Variants in EIF4EBP1 observed in about 807,000 individuals in gnomAD.
EIF4EBP1 encodes eukaryotic translation initiation factor 4E-binding protein 1.
EIF4EBP1 carries 5 observed loss-of-function variants against 9.2 expected under a neutral mutation model. The ratio of observed to expected loss-of-function variants is 0.54; its 90% CI spans 0.28 to 1.14. The LOEUF (loss-of-function observed/expected upper bound fraction) is 1.14. EIF4EBP1 is among the 50% of genes most tolerant of loss of function. The pLI is 0.09. For missense variants in EIF4EBP1, 139 were observed against 169.6 expected (o/e 0.82, Z 1.00); for synonymous variants, 62 against 67.0 (o/e 0.93, Z 0.36).
rs780578529 is a variant in EIF4EBP1, at chr8:38,059,897, TCC to T, written c.326-4_326-3del. The stretch of plus-strand genomic sequence containing the variant: ...TTGACCTGGCCCTCTGTCCCCTCTC[TCC>T]CCAGGTGAAGAGTCACAGTTTGAGA... On this transcript the variant is annotated splice_polypyrimidine_tract_variant and splice_region_variant and intron_variant, in intron 2 of 2. Transcript: ENST00000338825. The T allele has an allele frequency of 1.9e-5, 28 of 1,439,258 alleles. No homozygotes were observed. Among genetic ancestry groups the T allele is most frequent in the Non-Finnish European group, 2.4e-5 (26 of 1,091,476 alleles). 89.2% of individuals were successfully genotyped at this position (1,439,258 alleles called of 1,614,324 possible).
At chr8:38,035,007 C>A (rs1470876189) in intron 1 of EIF4EBP1, among the ~76,000 whole-genome samples, 4 of 152,134 alleles carry the variant, frequency 2.6e-5, no homozygotes, top group Non-Finnish European at 5.9e-5. Flanking sequence ...GTAATCCCAG[C>A]TATTAGGAAG....
At chr8:38,035,931 A>C (rs1809295665) in intron 1 of EIF4EBP1, among the ~76,000 whole-genome samples, 1 of 148,784 alleles carries the variant, frequency 6.7e-6, no homozygotes, top group South Asian at 2.1e-4. Flanking sequence ...CTGGTCTCGA[A>C]CTCCTGACCT....
rs187397761 is a variant in EIF4EBP1 at position 38,041,046 on chromosome 8, C to T, written c.145+10328C>T. Reference sequence around the variant, plus strand: ...AACTCCTGAGCTCAAGTGATCCGCCCGCCTCGGCCTCCCAAAGTGCTGGGA... The same window carrying T: ...AACTCCTGAGCTCAAGTGATCCGCCTGCCTCGGCCTCCCAAAGTGCTGGGA... On this transcript the variant is annotated intron_variant, in intron 1 of 2. Transcript: ENST00000338825. 3.8e-3 allele frequency among the ~76,000 whole-genome samples: 577 copies of T among 152,214 alleles called. 7 individuals are homozygous for T. The highest frequency in any genetic ancestry group is 0.013 in the African/African-American group (534 of 41,522).
At position 38,030,542 on chromosome 8, in the gene EIF4EBP1, G is replaced by T. The variant is rs1488137979; in HGVS notation, c.-32G>T. On this transcript the variant is annotated 5_prime_UTR_variant, in exon 1 of 3. Transcript: ENST00000338825. ...GAGGCTGGAGGCGCGGGAGGGCAGC[G>T]AGAGGTTCGCGGGTGCAGCGCACAG... The T allele has an allele frequency of 4.7e-6, 7 of 1,488,676 alleles. No homozygotes were observed. In the African/African-American group the frequency reaches 5.8e-5, roughly 12 times the overall value. 92.2% of individuals were successfully genotyped at this position (1,488,676 alleles called of 1,614,324 possible).
chr8:38,035,198 C>T (rs933503042), intron 1 of EIF4EBP1, among the ~76,000 whole-genome samples: 1 of 151,954 alleles, frequency 6.6e-6, no homozygotes, highest in African/African-American at 2.4e-5. Flanking sequence ...AAAATCCCTC[C>T]AATCCCCAGA....
At chr8:38,057,783 C>A (rs1253580426) in intron 2 of EIF4EBP1, among the ~76,000 whole-genome samples, 1 of 152,200 alleles carries the variant, frequency 6.6e-6, no homozygotes, top group African/African-American at 2.4e-5. Context: ...AGCCAGTTGT[C>A]TCTGCCGATT....
chr8:38,046,752 C>G (rs1453837099), intron 1 of EIF4EBP1, among the ~76,000 whole-genome samples: 1 of 152,292 alleles, frequency 6.6e-6, no homozygotes, highest in South Asian at 2.1e-4. Flanking sequence ...GATTTTAAGT[C>G]ATAACTTGCC....
intron 1 of EIF4EBP1, among the ~76,000 whole-genome samples, chr8:38,038,880 C>T (rs552419113): frequency 6.6e-6 from 1 of 151,648 alleles, no homozygotes; most frequent in African/African-American, 2.4e-5. Context: ...AATACAAGTC[C>T]GTAAACTTCC....
At chr8:38,030,834 A>G (rs1185295774) in intron 1 of EIF4EBP1, 116 bp downstream of exon 1, 2 of 1,331,266 alleles carry the variant, frequency 1.5e-6, no homozygotes, top group East Asian at 6.3e-5. Context: ...AAGAACGGAA[A>G]AGGGGCATCG....
intron 1 of EIF4EBP1, among the ~76,000 whole-genome samples, chr8:38,044,141 C>G (rs1809419314): frequency 6.6e-6 from 1 of 151,868 alleles, no homozygotes; most frequent in Non-Finnish European, 1.5e-5. Context: ...CTCTCCCTCT[C>G]CCTGGAATGG....
At chr8:38,055,395 A>G (rs927047612) in intron 1 of EIF4EBP1, among the ~76,000 whole-genome samples, 1 of 152,218 alleles carries the variant, frequency 6.6e-6, no homozygotes. Context: ...GCTACTCATC[A>G]TAGCCCCTAA....
chr8:38,058,874 A>G (rs1360553105), intron 2 of EIF4EBP1, among the ~76,000 whole-genome samples: 1 of 152,192 alleles, frequency 6.6e-6, no homozygotes, highest in African/African-American at 2.4e-5. Flanking sequence ...ACTTGAGGCC[A>G]GAAGTTCAAT....
At chr8:38,033,872 A>G (rs7823131) in intron 1 of EIF4EBP1, among the ~76,000 whole-genome samples, 3,546 of 146,832 alleles carry the variant, frequency 0.024, 139 homozygotes, top group African/African-American at 0.083. Context: ...TCAGCCTCCC[A>G]AGTAGCTGGG....
At chr8:38,040,989 A>G (rs1328637357) in intron 1 of EIF4EBP1, among the ~76,000 whole-genome samples, 1 of 152,106 alleles carries the variant, frequency 6.6e-6, no homozygotes, top group Non-Finnish European at 1.5e-5. Context: ...TAGTAGAGAC[A>G]GGGTTTTACC....
intron 1 of EIF4EBP1, among the ~76,000 whole-genome samples, chr8:38,054,261 C>A (rs1809564384): frequency 6.6e-6 from 1 of 152,112 alleles, no homozygotes; most frequent in Non-Finnish European, 1.5e-5. Flanking sequence ...ACCAGCTTGG[C>A]CAACATGGTG....
At chr8:38,037,574 A>G (rs1809322125) in intron 1 of EIF4EBP1, among the ~76,000 whole-genome samples, 1 of 152,012 alleles carries the variant, frequency 6.6e-6, no homozygotes, top group African/African-American at 2.4e-5. Flanking sequence ...CGACCTCCCA[A>G]AATGCTGGGA....
chr8:38,032,272 G>A (rs1408164928), intron 1 of EIF4EBP1, among the ~76,000 whole-genome samples: 1 of 143,584 alleles, frequency 7.0e-6, no homozygotes, highest in Admixed American at 6.7e-5. Flanking sequence ...CAGCATTTTG[G>A]GGAGCCAAGG....
Position 38,030,585 on chromosome 8 carries a change from C to G in EIF4EBP1, c.12C>G (p.Gly4=). The G allele has an allele frequency of 6.6e-7, 1 of 1,514,890 alleles. No individual in the cohort carries two copies. The highest frequency in any genetic ancestry group is 8.8e-7 in the Non-Finnish European group (1 of 1,138,062). 93.8% of individuals were successfully genotyped at this position (1,514,890 alleles called of 1,614,324 possible). A position where few individuals can be genotyped will look rare whatever the true frequency, so the allele number is the denominator to read the frequency against. Residue 4 remains glycine, a synonymous_variant, in exon 1 of 3, where the codon GGC becomes GGG. Coordinates refer to ENST00000338825, the MANE Select transcript of EIF4EBP1 (RefSeq NM_004095.4). MSG[G]SSCSQTPSRA... is the part of the protein sequence containing the mutation. ...GCGCACAGGAGACCATGTCCGGGGG[C>G]AGCAGCTGCAGCCAGACCCCAAGCC...
intron 1 of EIF4EBP1, among the ~76,000 whole-genome samples, chr8:38,042,976 A>T (rs1585525278): frequency 6.6e-6 from 1 of 152,126 alleles, no homozygotes; most frequent in Admixed American, 6.6e-5. Context: ...CTGAGGCAGG[A>T]GAATCTCTGG....
Sources: allele counts gnomAD v4.1 joint callset (sites outside exome capture counted in the v4.1 genomes callset), GRCh38; gene constraint gnomAD v4.1.1; transcripts MANE v1.5; gene names NCBI Gene and HGNC (gene_info 2026-07-23, HGNC 2026-07-21).